The following GCA variants were observed in gnomAD, a reference collection of about 807,000 sequenced individuals.
GCA encodes grancalcin, EF-hand calcium-binding protein.
In GCA, 30 loss-of-function variants were observed where a neutral mutation model predicts 32.6. The ratio of observed to expected loss-of-function variants is 0.92; its 90% CI spans 0.69 to 1.25. The LOEUF (loss-of-function observed/expected upper bound fraction) is 1.25, where lower values mean the gene tolerates loss of function less well. GCA is among the 50% of genes most tolerant of loss of function. The probability of loss-of-function intolerance (pLI) is 0.00; values close to 1 mark genes in which losing one functional copy is unlikely to be tolerated. For synonymous variants in GCA, 102 were observed against 84.6 expected, an observed-to-expected ratio of 1.21 and a Z score of -1.13; for missense variants, 291 against 266.8, an observed-to-expected ratio of 1.09 and a Z score of -0.63.
At chr2:162,348,362 A>G (rs997357849) in intron 2 of GCA, among the ~76,000 whole-genome samples, 1 of 152,202 alleles carries the variant, frequency 6.6e-6, no homozygotes, top group Non-Finnish European at 1.5e-5. Flanking sequence ...ATGTCAAACA[A>G]TATGATTGGA....
At chr2:162,322,722 A>G (rs2105252127) in intron 1 of GCA, among the ~76,000 whole-genome samples, 1 of 151,284 alleles carries the variant, frequency 6.6e-6, no homozygotes, top group Admixed American at 6.6e-5. Context: ...CCATGTCCCT[A>G]CAAAGGACAT....
At chr2:162,343,967 G>T (rs906354452), upstream of GCA, 2 of 468,590 alleles carry the variant, frequency 4.3e-6, no homozygotes, top group Non-Finnish European at 7.8e-6. Flanking sequence ...GAGGGCTCCC[G>T]ATGGGGTGTA....
At position 162,371,361 on chromosome 2, in the gene GCA, CTG is replaced by C. The variant is rs1004981839; in HGVS notation, c.426_427del (p.Cys143GlnfsTer3). 4 of 1,288,500 alleles carry C rather than the reference CTG, an allele frequency of 3.1e-6. No individual in the cohort carries two copies. In the African/African-American group the frequency reaches 6.1e-5, roughly 20 times the overall value. 79.8% of individuals were successfully genotyped at this position (1,288,500 alleles called of 1,614,324 possible). ...CATCTTGATACAGAAAGACCTGAAT[CTG>C]TGTGCAAAAGTGACTAAGTTCCCTT... On this transcript the variant is annotated frameshift_variant, in exon 5 of 5. Transcript: ENST00000414723. LOFTEE classifies it high-confidence loss of function.
chr2:162,367,915 G>T (rs991066264), downstream of GCA, among the ~76,000 whole-genome samples: 1 of 151,968 alleles, frequency 6.6e-6, no homozygotes, highest in Non-Finnish European at 1.5e-5. Context: ...GACTGGGGGA[G>T]GTTAACTTGC....
chr2:162,343,962 C>G (rs774435395), upstream of GCA: 1 of 460,822 alleles, frequency 2.2e-6, no homozygotes, highest in African/African-American at 2.0e-5. Context: ...GACTGGAGGG[C>G]TCCCGATGGG....
intron 1 of GCA, among the ~76,000 whole-genome samples, chr2:162,321,499 C>T (rs1683663030): frequency 6.6e-6 from 1 of 152,018 alleles, no homozygotes; most frequent in South Asian, 2.1e-4. Flanking sequence ...TTGTTCTGTT[C>T]CTTTACTTGT....
In GCA at chr2:162,362,271, A is replaced by C. The variant is rs79469462; in HGVS notation, c.*2028A>C. Reference sequence around the variant, plus strand: ...ACCACAGAACCCCTTTCTCTAGCAAAACCTAACATTCTATGCCGATCCAAC... The same window carrying C: ...ACCACAGAACCCCTTTCTCTAGCAACACCTAACATTCTATGCCGATCCAAC... On this transcript the variant is annotated 3_prime_UTR_variant, in exon 8 of 8. Transcript: ENST00000437150. 4,084 of 984,524 alleles carry C rather than the reference A, an allele frequency of 4.1e-3. 7 individuals are homozygous for C. The highest frequency in any genetic ancestry group is 4.7e-3 in the Non-Finnish European group (3,894 of 829,434). 61.0% of individuals were successfully genotyped at this position (984,524 alleles called of 1,614,324 possible). A position where few individuals can be genotyped will look rare whatever the true frequency, so the allele number is the denominator to read the frequency against.
intron 3 of GCA, among the ~76,000 whole-genome samples, chr2:162,355,492 A>G (rs1292538447): frequency 6.6e-6 from 1 of 152,126 alleles, no homozygotes; most frequent in Non-Finnish European, 1.5e-5. Context: ...TCATATTAAC[A>G]AGCTGCTATT....
chr2:162,343,866 G>A (rs1006240290), upstream of GCA, among the ~76,000 whole-genome samples: 1 of 152,222 alleles, frequency 6.6e-6, no homozygotes, highest in African/African-American at 2.4e-5. Flanking sequence ...CAGAGAGTGG[G>A]AATTCCGTTG....
chr2:162,337,195 T>C (rs1291893324), intron 1 of GCA, among the ~76,000 whole-genome samples: 1 of 152,172 alleles, frequency 6.6e-6, no homozygotes, highest in East Asian at 1.9e-4. Context: ...ATGGAAGCAA[T>C]AGCAGGAAAG....
intron 2 of GCA, among the ~76,000 whole-genome samples, chr2:162,348,075 A>G (rs759350285): frequency 6.6e-6 from 1 of 152,066 alleles, no homozygotes; most frequent in Admixed American, 6.6e-5. Context: ...CACCCCACCA[A>G]AACTTAGATA....
intron 1 of GCA, among the ~76,000 whole-genome samples, chr2:162,319,634 A>G (rs1020599426): frequency 6.6e-6 from 1 of 152,214 alleles, no homozygotes; most frequent in South Asian, 2.1e-4. Context: ...TGGCAGCTTC[A>G]TTTTGGTACA....
intron 1 of GCA, among the ~76,000 whole-genome samples, chr2:162,329,995 G>C (rs1421547773): frequency 6.6e-6 from 1 of 152,118 alleles, no homozygotes; most frequent in Non-Finnish European, 1.5e-5. Context: ...CCGTGCACAG[G>C]ATATGATCTC....
At chr2:162,355,032 T>C (rs1260499241) in intron 3 of GCA, among the ~76,000 whole-genome samples, 2 of 152,214 alleles carry the variant, frequency 1.3e-5, no homozygotes, top group Admixed American at 6.5e-5. Flanking sequence ...GTGTGCCAAG[T>C]TAATTGTAAA....
chr2:162,334,133 T>G (rs1016149612), intron 1 of GCA, among the ~76,000 whole-genome samples: 2 of 152,172 alleles, frequency 1.3e-5, no homozygotes, highest in African/African-American at 4.8e-5. Flanking sequence ...CTGAGACTTC[T>G]CCACACTGCG....
intron 1 of GCA, among the ~76,000 whole-genome samples, chr2:162,345,805 A>G (rs552992628): frequency 2.0e-5 from 3 of 152,340 alleles, no homozygotes; most frequent in East Asian, 1.9e-4. Context: ...TAAAACTTAC[A>G]TGATTTCTTT....
At chr2:162,336,992 T>A (rs1204614426) in intron 1 of GCA, among the ~76,000 whole-genome samples, 1 of 152,118 alleles carries the variant, frequency 6.6e-6, no homozygotes, top group Non-Finnish European at 1.5e-5. Context: ...CTAACTGAGA[T>A]TTGTTTAATT....
intron 3 of GCA, 137 bp from the exon 4 acceptor site, chr2:162,356,301 A>G: frequency 3.1e-6 from 2 of 643,202 alleles, no homozygotes; most frequent in Non-Finnish European, 5.6e-6. Flanking sequence ...TTAACATTCA[A>G]TAATAGCTTG....
At chr2:162,374,111 A>T (rs1282824802), downstream of GCA, among the ~76,000 whole-genome samples, 1 of 152,194 alleles carries the variant, frequency 6.6e-6, no homozygotes, top group Non-Finnish European at 1.5e-5. Context: ...GTGTTTTTAC[A>T]TTTATATTAA....
Sources: gnomAD v4.1 joint callset for allele counts (sites outside exome capture counted in the v4.1 genomes callset) on GRCh38, gnomAD v4.1.1 for gene constraint, MANE v1.5 for transcripts, NCBI Gene and HGNC (gene_info 2026-07-23, HGNC 2026-07-21) for gene names.